WDR27: variants seen among roughly 807,000 people sequenced by gnomAD.
WDR27 encodes WD repeat domain 27.
Under a neutral mutation model 114.4 loss-of-function variants are expected in WDR27, and 100 were observed. The observed-to-expected ratio is 0.87, with a 90% CI of 0.74 to 1.03. The LOEUF (loss-of-function observed/expected upper bound fraction) is 1.03, where lower values mean the gene tolerates loss of function less well. WDR27 is among the 50% of genes least tolerant of loss of function. The pLI, the probability that WDR27 is intolerant of heterozygous loss-of-function variation, is 0.00. For synonymous variants in WDR27, 449 were observed against 423.1 expected (o/e 1.06, Z -0.75); for missense variants, 1,129 against 1,092.9 (o/e 1.03, Z -0.47).
At chr6:169,633,217 G>T in intron 20 of WDR27, 149 bp from the exon 21 acceptor site, 2 of 916,692 alleles carry the variant, frequency 2.2e-6, no homozygotes, top group East Asian at 2.9e-5. Context: ...CGCAGGAAAA[G>T]TCCTGAGTCC....
Position 169,599,145 on chromosome 6 carries a change from C to G in WDR27, c.2424+3074G>C, listed in dbSNP as rs534590293. Among the ~76,000 whole-genome samples the G allele has an allele frequency of 4.0e-5, 6 of 150,532 alleles. No individual in the cohort carries two copies. In the South Asian group the frequency reaches 8.5e-4, roughly 21 times the overall value. ...TAATGCTATCCCTCCCCCCTCCCCC[C>G]ACACCACAACAGGCCCTGGTGTGTG... On this transcript the variant is annotated intron_variant, in intron 23 of 25. Transcript: ENST00000448612.
At chr6:169,430,085 G>A in the WDR27 span, among the ~76,000 whole-genome samples, 10,419 of 152,274 alleles carry the variant, frequency 0.068, 515 homozygotes, top group Middle Eastern at 0.11. Context: ...CACAGGGCAT[G>A]GGGCTGTGTC....
At chr6:169,528,692 A>T (rs944430259) in intron 25 of WDR27, among the ~76,000 whole-genome samples, 3 of 152,060 alleles carry the variant, frequency 2.0e-5, no homozygotes, top group African/African-American at 7.2e-5. Context: ...AGGCCTGGCT[A>T]ATTTTTATAT....
intron 21 of WDR27, among the ~76,000 whole-genome samples, chr6:169,618,637 A>AC (rs1165453242): frequency 7.2e-5 from 10 of 139,032 alleles, no homozygotes; most frequent in East Asian, 1.9e-4. Flanking sequence ...CAAAAAAAAA[A>AC]AAAAAAAAAA....
the WDR27 span, among the ~76,000 whole-genome samples, chr6:169,429,383 G>A: frequency 6.6e-6 from 1 of 151,330 alleles, no homozygotes; most frequent in African/African-American, 2.4e-5. Flanking sequence ...ACAGGCATTT[G>A]TGAAAAGACC....
intron 2 of WDR27, among the ~76,000 whole-genome samples, chr6:169,685,609 C>T (rs369698917): frequency 6.6e-6 from 1 of 152,082 alleles, no homozygotes; most frequent in African/African-American, 2.4e-5. Flanking sequence ...AACTAGGCTT[C>T]ATCACGCTGA....
chr6:169,621,336 G>A (rs577664696), intron 21 of WDR27, among the ~76,000 whole-genome samples: 3 of 145,988 alleles, frequency 2.1e-5, no homozygotes, highest in East Asian at 4.7e-4. Context: ...ATATACATAC[G>A]CACACACATG....
the WDR27 span, among the ~76,000 whole-genome samples, chr6:169,441,496 T>C: frequency 2.6e-5 from 4 of 152,094 alleles, no homozygotes; most frequent in African/African-American, 9.7e-5. Flanking sequence ...ACCAGCCAGC[T>C]GCCAAGTCAC....
At chr6:169,525,460 C>G (rs1029872472) in intron 25 of WDR27, among the ~76,000 whole-genome samples, 1 of 145,462 alleles carries the variant, frequency 6.9e-6, no homozygotes, top group Admixed American at 7.1e-5. Context: ...GGCATGAACC[C>G]GGGAGGTGGA....
chr6:169,565,777 G>A (rs534539934), intron 25 of WDR27, among the ~76,000 whole-genome samples: 1 of 152,298 alleles, frequency 6.6e-6, no homozygotes, highest in South Asian at 2.1e-4. Flanking sequence ...CCAGGCTCCC[G>A]CGTAGCTGGG....
In WDR27 at chr6:169,655,318, C is replaced by T. The variant is rs527766350; in HGVS notation, c.1402+2958G>A. Among the ~76,000 whole-genome samples the T allele has an allele frequency of 2.7e-4, 41 of 152,362 alleles. 1 individual carries two copies. The highest frequency in any genetic ancestry group is 5.9e-4 in the Non-Finnish European group (40 of 68,032). ...GCCATCGACCTGCCATGTGGGGAAC[C>T]CCGAGCCCAGCAGCTGCCCGCACAG... On this transcript the variant is annotated intron_variant, in intron 13 of 25. Transcript: ENST00000448612.
intron 21 of WDR27, among the ~76,000 whole-genome samples, chr6:169,622,901 T>C (rs1434127056): frequency 6.6e-6 from 1 of 152,212 alleles, no homozygotes; most frequent in East Asian, 1.9e-4. Flanking sequence ...AGTTTAGCTT[T>C]GAAACAAAGA....
At chr6:169,566,060 G>T (rs1328256969) in intron 25 of WDR27, among the ~76,000 whole-genome samples, 2 of 151,936 alleles carry the variant, frequency 1.3e-5, no homozygotes, top group African/African-American at 4.8e-5. Flanking sequence ...GATCAATTAT[G>T]TAAGAAATAA....
chr6:169,613,603 C>A lies in WDR27; in HGVS notation c.2277G>T (p.Thr759=). The change falls in exon 22 of 26, where the codon ACG becomes ACT. Residue 759 remains threonine (T), a synonymous_variant. Coordinates refer to ENST00000448612, the MANE Select transcript of WDR27 (RefSeq NM_182552.5). ...QPQAYNLFLT[T]AIGDGMRLWD... is the part of the protein sequence containing the mutation. The stretch of plus-strand genomic sequence containing the variant: ...ACAGTCTCATCCCATCGCCAATGGC[C>A]GTGGTCAGGAAAAGGTTATAAGCCT... 2.5e-6 allele frequency: 4 copies of A among 1,613,770 alleles called. No homozygotes were observed. Among genetic ancestry groups the A allele is most frequent in the Non-Finnish European group, 3.4e-6 (4 of 1,179,792 alleles).
chr6:169,700,396 C>T (rs927128508), intron 1 of WDR27, among the ~76,000 whole-genome samples: 1 of 152,206 alleles, frequency 6.6e-6, no homozygotes, highest in African/African-American at 2.4e-5. Flanking sequence ...ACGGTAAGTG[C>T]TGTTCCTTTT....
intron 25 of WDR27, among the ~76,000 whole-genome samples, chr6:169,509,291 T>C (rs1389180082): frequency 2.6e-5 from 4 of 152,134 alleles, no homozygotes; most frequent in Admixed American, 2.6e-4. Context: ...TTAAAGTTCA[T>C]ATGGAACCAA....
At chr6:169,483,412 T>C (rs754180307) in intron 25 of WDR27, among the ~76,000 whole-genome samples, 1 of 151,868 alleles carries the variant, frequency 6.6e-6, no homozygotes, top group Non-Finnish European at 1.5e-5. Context: ...AACTAGAAAA[T>C]CTAGAAGAAA....
intron 21 of WDR27, among the ~76,000 whole-genome samples, chr6:169,615,399 C>A (rs1304527005): frequency 2.0e-5 from 3 of 152,072 alleles, no homozygotes; most frequent in African/African-American, 7.2e-5. Context: ...TCAAGCAGAC[C>A]CCAGTGTCTG....
intron 25 of WDR27, among the ~76,000 whole-genome samples, chr6:169,488,946 C>CTT (rs35035417): frequency 0.029 from 3,935 of 135,446 alleles, 144 homozygotes; most frequent in African/African-American, 0.087. Flanking sequence ...TTGATGCCCC[C>CTT]TTTTTTTTTT....
Sources: allele counts gnomAD v4.1 joint callset (sites outside exome capture counted in the v4.1 genomes callset), GRCh38; gene constraint gnomAD v4.1.1; transcripts MANE v1.5; gene names NCBI Gene and HGNC (gene_info 2026-07-23, HGNC 2026-07-21).